The following SEL1L3 variants were observed in gnomAD, a reference collection of about 807,000 sequenced individuals.
SEL1L3 encodes protein sel-1 homolog 3.
In SEL1L3, 76 loss-of-function variants were observed where a neutral mutation model predicts 142.8. That is an observed-to-expected ratio of 0.53 (90% CI 0.44 to 0.64). The LOEUF is 0.64. Among genes scored for constraint, SEL1L3 ranks in the 30% least tolerant of loss-of-function variants. The pLI, the probability that SEL1L3 is intolerant of heterozygous loss-of-function variation, is 0.00. For missense variants in SEL1L3, 1,262 were observed against 1,381.7 expected, an observed-to-expected ratio of 0.91 and a Z score of 1.37; for synonymous variants, 504 against 519.6, an observed-to-expected ratio of 0.97 and a Z score of 0.41.
At chr4:25,727,437 A>G in the SEL1L3 span, among the ~76,000 whole-genome samples, 37,273 of 152,100 alleles carry the variant, frequency 0.25, 6,379 homozygotes, top group African/African-American at 0.48. Flanking sequence ...CTTTGAAGGC[A>G]TTGTCTCCAA....
intron 9 of SEL1L3, among the ~76,000 whole-genome samples, chr4:25,810,908 C>G (rs1473718087): frequency 6.6e-6 from 1 of 152,230 alleles, no homozygotes; most frequent in African/African-American, 2.4e-5. Context: ...AAGGCGTGCC[C>G]GCTCTGGGAG....
At chr4:25,756,331 A>G (rs1209481129) in intron 23 of SEL1L3, 1 of 985,396 alleles carries the variant, frequency 1.0e-6, no homozygotes, top group Non-Finnish European at 1.2e-6. Context: ...ATCACAAATG[A>G]CACGACTGGG....
At chr4:25,725,126 A>G in the SEL1L3 span, among the ~76,000 whole-genome samples, 1 of 152,190 alleles carries the variant, frequency 6.6e-6, no homozygotes, top group Non-Finnish European at 1.5e-5. Flanking sequence ...TGCTTACAGA[A>G]TAACAAGGAA....
chr4:25,863,167 C>G (rs1717868168), upstream of SEL1L3, among the ~76,000 whole-genome samples: 1 of 141,912 alleles, frequency 7.0e-6, no homozygotes, highest in African/African-American at 2.6e-5. Context: ...TGGGCACCGA[C>G]CCGGGTCCCG....
intron 10 of SEL1L3, among the ~76,000 whole-genome samples, chr4:25,803,460 A>G (rs1185141108): frequency 6.6e-6 from 1 of 152,248 alleles, no homozygotes; most frequent in Non-Finnish European, 1.5e-5. Flanking sequence ...CACCTATGCA[A>G]ATTTGAAAAC....
At chr4:25,842,051 A>G (rs1390698110) in intron 2 of SEL1L3, among the ~76,000 whole-genome samples, 24 of 152,152 alleles carry the variant, frequency 1.6e-4, no homozygotes, top group Admixed American at 1.5e-3. Context: ...GACTGTAACT[A>G]TTGGTAGCCA....
intron 14 of SEL1L3, among the ~76,000 whole-genome samples, chr4:25,783,635 A>G (rs1404936699): frequency 6.6e-5 from 10 of 152,222 alleles, no homozygotes; most frequent in Non-Finnish European, 1.3e-4. Flanking sequence ...ATATGTGTGC[A>G]TGTATGTGCA....
intron 19 of SEL1L3, 84 bp from the exon 20 acceptor site, chr4:25,765,519 G>A: frequency 2.4e-6 from 2 of 844,442 alleles, no homozygotes; most frequent in Non-Finnish European, 4.0e-6. Context: ...TCACATGAAT[G>A]CAAGTTTTTC....
chr4:25,761,864 G>A (rs1262418780), intron 20 of SEL1L3, among the ~76,000 whole-genome samples: 1 of 152,216 alleles, frequency 6.6e-6, no homozygotes, highest in African/African-American at 2.4e-5. Flanking sequence ...CTTAAACACT[G>A]ATCGGTGAGG....
chr4:25,787,250 A>C (rs1476518761), intron 13 of SEL1L3, among the ~76,000 whole-genome samples: 2 of 152,236 alleles, frequency 1.3e-5, no homozygotes, highest in Non-Finnish European at 2.9e-5. Flanking sequence ...CAACCTCGTA[A>C]GTTGGTTGTG....
intron 23 of SEL1L3, among the ~76,000 whole-genome samples, chr4:25,753,982 A>AAAAT: frequency 1.1e-5 from 1 of 93,354 alleles, no homozygotes; most frequent in African/African-American, 5.3e-5. Context: ...ACTCCGTCTC[A>AAAAT]ACATAAATAA....
intron 1 of SEL1L3, among the ~76,000 whole-genome samples, chr4:25,852,414 T>C (rs6830171): frequency 0.13 from 20,001 of 152,234 alleles, 4,403 homozygotes; most frequent in African/African-American, 0.45. Context: ...AATAGGGATA[T>C]ACCCAGCATT....
Position 25,822,432 on chromosome 4 carries a change from T to A in SEL1L3, c.1158-304A>T, listed in dbSNP as rs578246083. ...GAGGATTACGTGAAGTGTAAAGATG[T>A]CAAGCATCTAGCAGAGTGCTTGGCC... On this transcript the variant is annotated intron_variant, in intron 6 of 23. Coordinates refer to ENST00000399878, the MANE Select transcript of SEL1L3 (RefSeq NM_015187.5). Among the ~76,000 whole-genome samples, 5 of 152,350 alleles carry A rather than the reference T, an allele frequency of 3.3e-5. No homozygotes were observed. In the South Asian group the frequency reaches 1.0e-3, roughly 32 times the overall value.
intron 9 of SEL1L3, among the ~76,000 whole-genome samples, chr4:25,811,861 G>T (rs1441767228): frequency 1.3e-5 from 2 of 151,490 alleles, no homozygotes; most frequent in South Asian, 4.2e-4. Context: ...GGTTTAACCG[G>T]AATTTAAAAT....
intron 7 of SEL1L3, among the ~76,000 whole-genome samples, chr4:25,821,135 A>T (rs989730136): frequency 6.6e-5 from 10 of 152,228 alleles, no homozygotes; most frequent in Admixed American, 3.3e-4. Flanking sequence ...GTAGGTTCTC[A>T]ATAAGCATTT....
chr4:25,766,221 T>G (rs1718716043), intron 19 of SEL1L3, among the ~76,000 whole-genome samples: 1 of 152,116 alleles, frequency 6.6e-6, no homozygotes, highest in Non-Finnish European at 1.5e-5. Flanking sequence ...TGCAGATCAC[T>G]GCAGGTCAGG....
At chr4:25,726,455 G>C in the SEL1L3 span, among the ~76,000 whole-genome samples, 1 of 151,158 alleles carries the variant, frequency 6.6e-6, no homozygotes, top group African/African-American at 2.4e-5. Flanking sequence ...TTGAACCTGG[G>C]AAGTGGAGGT....
intron 6 of SEL1L3, among the ~76,000 whole-genome samples, chr4:25,829,377 A>G (rs181675941): frequency 3.3e-5 from 5 of 152,374 alleles, no homozygotes; most frequent in African/African-American, 1.2e-4. Context: ...TACAAAATGC[A>G]TTTATTACCC....
rs75310184 is a variant in SEL1L3 at position 25,748,532 on chromosome 4, A to G, written c.3292T>C (p.Ser1098Pro). 2 of 1,611,584 alleles carry G rather than the reference A, an allele frequency of 1.2e-6. No individual in the cohort carries two copies. The highest frequency in any genetic ancestry group is 2.2e-5 in the South Asian group (2 of 90,214). ...SDPPPRPSQA[S>P]PDTATSTASP... ...GCAGTGGACGTGGCAGTGTCTGGGG[A>G]GGCCTGGGATGGTCTTGGAGGGGGA... is the stretch of plus-strand genomic sequence containing the variant. Residue 1098 changes from serine (S) to proline (P), a missense_variant, in exon 24 of 24, where the codon TCC becomes CCC. Coordinates refer to ENST00000399878, the MANE Select transcript of SEL1L3 (RefSeq NM_015187.5).
Sources: allele counts gnomAD v4.1 joint callset (sites outside exome capture counted in the v4.1 genomes callset), GRCh38; gene constraint gnomAD v4.1.1; transcripts MANE v1.5; gene names NCBI Gene and HGNC (gene_info 2026-07-23, HGNC 2026-07-21).